SORL1: variants seen among roughly 807,000 people sequenced by gnomAD.
The protein encoded by SORL1 is sortilin related receptor 1.
Under a neutral mutation model 273.7 loss-of-function variants are expected in SORL1, and 127 were observed. The observed-to-expected ratio is 0.46, with a 90% CI of 0.40 to 0.54. The LOEUF (loss-of-function observed/expected upper bound fraction) is 0.54. Among genes scored for constraint, SORL1 ranks in the 20% least tolerant of loss-of-function variants. SORL1 has a pLI of 0.00. For synonymous variants in SORL1, 1,031 were observed against 1,067.4 expected (o/e 0.97, Z 0.66); for missense variants, 2,494 against 2,846.1 (o/e 0.88, Z 2.81).
Position 121,549,953 on chromosome 11 carries a change from T to C in SORL1, c.2052-7T>C. ...GTGGCCTTAACAAAGCCCAATTGCC[T>C]TTTTAGTGACTTCGGTTTCAAGATG... is the stretch of plus-strand genomic sequence containing the variant. On this transcript the variant is annotated splice_polypyrimidine_tract_variant and splice_region_variant and intron_variant, in intron 14 of 47. Coordinates refer to ENST00000260197, the MANE Select transcript of SORL1 (RefSeq NM_003105.6). 6.2e-7 allele frequency: 1 copy of C among 1,612,614 alleles called. No homozygotes were observed. The highest frequency in any genetic ancestry group is 8.5e-7 in the Non-Finnish European group (1 of 1,179,066).
At chr11:121,481,002 C>T (rs1251955515) in intron 3 of SORL1, among the ~76,000 whole-genome samples, 1 of 114,352 alleles carries the variant, frequency 8.7e-6, no homozygotes, top group African/African-American at 3.7e-5. Context: ...TCCCCTAGTA[C>T]ACAGATACCT....
rs571216273 is a variant in SORL1 at position 121,471,284 on chromosome 11, C to T, written c.402+1161C>T. On this transcript the variant is annotated intron_variant, in intron 2 of 47. Transcript: ENST00000260197. ...GCTGGGCCCAGTGTTGCCACATCTT[C>T]TGGTTTTCCAGAGGAACCCAGAGGT... is the stretch of plus-strand genomic sequence containing the variant. Among the ~76,000 whole-genome samples the T allele has an allele frequency of 5.3e-5, 8 of 152,332 alleles. No individual in the cohort carries two copies. The South Asian group carries it at 1.7e-3, about 32-fold the overall frequency.
rs988904509 is a variant in SORL1 at position 121,577,148 on chromosome 11, T to C, written c.3461-133T>C. 9 of 1,263,066 alleles carry C rather than the reference T, an allele frequency of 7.1e-6. No individual in the cohort carries two copies. In the African/African-American group the frequency reaches 1.2e-4, roughly 17 times the overall value. 78.2% of individuals were successfully genotyped at this position (1,263,066 alleles called of 1,614,324 possible). ...TGACCTTTTGTCCCTGGTAAAAGTC[T>C]CTTCGTTCATGGTCTCTGTGGATCA... On this transcript the variant is annotated intron_variant, in intron 24 of 47. Coordinates refer to ENST00000260197, the MANE Select transcript of SORL1 (RefSeq NM_003105.6).
At chr11:121,455,993 A>G (rs1039038434) in intron 1 of SORL1, among the ~76,000 whole-genome samples, 12 of 143,744 alleles carry the variant, frequency 8.3e-5, no homozygotes, top group African/African-American at 2.3e-4. Flanking sequence ...ACTCCATCTA[A>G]AAAAAAAAAA....
intron 12 of SORL1, among the ~76,000 whole-genome samples, chr11:121,536,176 AG>A (rs1862264047): frequency 6.6e-6 from 1 of 152,168 alleles, no homozygotes; most frequent in Non-Finnish European, 1.5e-5. Flanking sequence ...CCAATTTCAT[AG>A]GGGCTTCTCT....
Position 121,538,680 on chromosome 11 carries a change from CATTT to C in SORL1, c.1686-4859_1686-4856del, listed in dbSNP as rs1236553800. Among the ~76,000 whole-genome samples the C allele has an allele frequency of 5.3e-5, 8 of 151,516 alleles. 1 individual carries two copies. The South Asian group carries it at 1.3e-3, about 24-fold the overall frequency. ...TTTTTGGTTTGAATTGTATTTTTGG[CATTT>C]ATTTATTTTTTTGAGACAGAGTCTC... On this transcript the variant is annotated intron_variant, in intron 12 of 47. Transcript: ENST00000260197.
Position 121,627,492 on chromosome 11 carries a change from G to T in SORL1, c.6365-63G>T. 6.6e-6 allele frequency: 9 copies of T among 1,369,638 alleles called. No homozygotes were observed. Among genetic ancestry groups the T allele is most frequent in the Non-Finnish European group, 9.4e-6 (9 of 960,602 alleles). The allele number at this position is 1,369,638 out of a possible 1,614,324, so 84.8% of individuals were successfully genotyped here. On this transcript the variant is annotated intron_variant, in intron 46 of 47. Transcript: ENST00000260197. This position sits in a 1 kb window ranked among gnomAD's most constrained non-coding sequence, Gnocchi z 4.9. ...TTTTTTTGGTGGGTGGGGCCTTGAGGAGTCATCTGGTCTGTTCTCCTGCCC... is the reference window on the plus strand; with the variant it reads ...TTTTTTTGGTGGGTGGGGCCTTGAGTAGTCATCTGGTCTGTTCTCCTGCCC...
At position 121,627,691 on chromosome 11, in the gene SORL1, C is replaced by G; in HGVS notation, c.6501C>G (p.Ser2167Arg). Residue 2167 changes from serine (S) to arginine (R), a missense_variant, in exon 47 of 48, where the codon AGC (serine) becomes AGG (arginine). By Grantham distance (110) the Ser-to-Arg change is moderately radical (BLOSUM62 -1). Around this residue, in one of 3 missense-constraint regions of SORL1, gnomAD observed 1,609 missense variants for 1,816.4 expected, o/e 0.89. Coordinates refer to ENST00000260197, the MANE Select transcript of SORL1 (RefSeq NM_003105.6). This position sits in a 1 kb window ranked among gnomAD's most constrained non-coding sequence, Gnocchi z 4.9. ...ILYTKHRRLQ[S>R]SFTAFANSHY... ...ACACGAAGCACCGGAGGCTGCAGAG[C>G]AGCTTCACCGCCTTCGCCAACAGCC... The G allele has an allele frequency of 6.2e-7, 1 of 1,614,202 alleles. No homozygotes were observed. The highest frequency in any genetic ancestry group is 8.5e-7 in the Non-Finnish European group (1 of 1,180,038).
rs145689476 is a variant in SORL1 at position 121,555,821 on chromosome 11, C to G, written c.2571+503C>G. 9.1e-4 allele frequency among the ~76,000 whole-genome samples: 139 copies of G among 152,280 alleles called. 1 individual carries two copies. The highest frequency in any genetic ancestry group is 3.2e-3 in the African/African-American group (135 of 41,554). ...TTAGCTACCTAGTAACCTGTCCCAC[C>G]TTATATACCCAAGGCAAGGATGATG... is the stretch of plus-strand genomic sequence containing the variant. On this transcript the variant is annotated intron_variant, in intron 18 of 47. Coordinates refer to ENST00000260197, the MANE Select transcript of SORL1 (RefSeq NM_003105.6).
At chr11:121,488,272 A>C in intron 4 of SORL1, 79 bp downstream of exon 4, 2 of 1,427,772 alleles carry the variant, frequency 1.4e-6, no homozygotes, top group South Asian at 1.2e-5. Context: ...GTGTCCTTTG[A>C]GTGACCTCGC....
chr11:121,570,212 C>T lies in SORL1; in HGVS notation c.3279C>T (p.Ser1093=). The T allele has an allele frequency of 6.2e-7, 1 of 1,614,024 alleles. No homozygotes were observed. The highest frequency in any genetic ancestry group is 8.5e-7 in the Non-Finnish European group (1 of 1,179,914). The part of the protein sequence containing the change: ...YRCSNGNCIN[S]IWWCDFDNDC... ...GCAGCAACGGGAACTGTATCAACAG[C>T]ATTTGGTGGTGTGACTTTGACAACG... The change falls in exon 23 of 48, where the codon AGC becomes AGT. Residue 1093 remains serine, a synonymous_variant. Transcript: ENST00000260197.
In SORL1 at chr11:121,558,777, C is replaced by T. The variant is rs891914722; in HGVS notation, c.2850C>T (p.Gly950=). 1 of 1,614,128 alleles carries T rather than the reference C, an allele frequency of 6.2e-7. No homozygotes were observed. The highest frequency in any genetic ancestry group is 8.5e-7 in the Non-Finnish European group (1 of 1,180,022). The change falls in exon 20 of 48, where the codon GGC becomes GGT. Residue 950 remains glycine (G), a synonymous_variant. Transcript: ENST00000260197. ...LECIERITFS[G]QQRSVILDNL... Reference sequence around the variant, plus strand: ...GCATAGAGCGGATCACGTTCAGTGGCCAGCAGCGCTCTGTCATTCTGGACA... The same window carrying T: ...GCATAGAGCGGATCACGTTCAGTGGTCAGCAGCGCTCTGTCATTCTGGACA...
intron 25 of SORL1, among the ~76,000 whole-genome samples, chr11:121,581,108 T>C (rs1035276724): frequency 5.3e-5 from 8 of 151,964 alleles, no homozygotes; most frequent in African/African-American, 1.9e-4. Context: ...GATGAGTTTT[T>C]ACCATGTTGG....
rs546212974 is a variant in SORL1, at chr11:121,619,111, TA to T, written c.5724+220del. Among the ~76,000 whole-genome samples, 19 of 152,366 alleles carry T rather than the reference TA, an allele frequency of 1.2e-4. No homozygotes were observed. In the East Asian group the frequency reaches 2.9e-3, roughly 23 times the overall value. ...CTGCAGCTCCGTTATGGAGGACTGA[TA>T]ACTTGGCAGATGATCACAAGTATAG... On this transcript the variant is annotated intron_variant, in intron 42 of 47. Transcript: ENST00000260197.
intron 25 of SORL1, among the ~76,000 whole-genome samples, chr11:121,582,227 C>T (rs1415639888): frequency 1.3e-5 from 2 of 152,208 alleles, no homozygotes; most frequent in Non-Finnish European, 2.9e-5. Flanking sequence ...GCCTCAAATG[C>T]AGTAAAATTC....
intron 16 of SORL1, among the ~76,000 whole-genome samples, chr11:121,551,050 T>C (rs780793837): frequency 2.6e-5 from 4 of 152,270 alleles, no homozygotes; most frequent in Non-Finnish European, 5.9e-5. Context: ...CTAAGTAGTC[T>C]ATGTTAATTT....
intron 25 of SORL1, among the ~76,000 whole-genome samples, chr11:121,582,863 T>A (rs543846530): frequency 3.2e-4 from 49 of 152,278 alleles, no homozygotes; most frequent in Non-Finnish European, 5.9e-4. Flanking sequence ...ATTTTTTTTT[T>A]AAAGAATTGT....
In SORL1 at chr11:121,630,015, T is replaced by C. The variant is rs770043308; in HGVS notation, c.*452T>C. ...TTTATAGGAAAGTGTGTGGATGTAT[T>C]ATGGCGGAAGGTTTCTTTATGTTAT... On this transcript the variant is annotated 3_prime_UTR_variant, in exon 48 of 48. Coordinates refer to ENST00000260197, the MANE Select transcript of SORL1 (RefSeq NM_003105.6). The C allele has an allele frequency of 4.8e-5, 8 of 165,044 alleles. No homozygotes were observed. The highest frequency in any genetic ancestry group is 1.1e-4 in the Non-Finnish European group (8 of 75,750). The allele number at this position is 165,044 out of a possible 1,614,324, so 10.2% of individuals were successfully genotyped here. A position where few individuals can be genotyped will look rare whatever the true frequency, so the allele number is the denominator to read the frequency against.
chr11:121,523,613 T>TA lies in SORL1; in HGVS notation c.1596+638dup, dbSNP rs755456803. On this transcript the variant is annotated intron_variant, in intron 11 of 47. Transcript: ENST00000260197. ...GGGCATTAGAGAATTTCCAAACTTG[T>TA]AAAAAAAAAAAAAAGTTGTTGCCAG... 1.3e-3 allele frequency among the ~76,000 whole-genome samples: 181 copies of TA among 141,754 alleles called. 1 individual carries two copies. In the Middle Eastern group the frequency reaches 0.015, roughly 11 times the overall value. The allele number at this position is 141,754 out of a possible 152,430, so 93.0% of individuals were successfully genotyped here.
Sources: allele counts gnomAD v4.1 joint callset (sites outside exome capture counted in the v4.1 genomes callset), GRCh38; gene constraint gnomAD v4.1.1; regional missense constraint gnomAD v4.1.1; non-coding constraint Gnocchi (gnomAD v3.1); transcripts MANE v1.5; gene names NCBI Gene and HGNC (gene_info 2026-07-23, HGNC 2026-07-21).